Variants in RAB3GAP1 observed in about 807,000 individuals in gnomAD.
RAB3GAP1 encodes RAB3 GTPase activating protein catalytic subunit 1.
Under a neutral mutation model 130.7 loss-of-function variants are expected in RAB3GAP1, and 86 were observed. The observed-to-expected ratio is 0.66, with a 90% CI of 0.55 to 0.79. The LOEUF is 0.79. Among genes scored for constraint, RAB3GAP1 ranks in the 30% least tolerant of loss-of-function variants. RAB3GAP1 has a pLI of 0.00. For synonymous variants in RAB3GAP1, 367 were observed against 401.7 expected (o/e 0.91, Z 1.03); for missense variants, 1,029 against 1,169.4 (o/e 0.88, Z 1.75).
rs115968647 is a variant in RAB3GAP1, at chr2:135,132,416, G to A, written c.1237-479G>A. Among the ~76,000 whole-genome samples, 494 of 152,224 alleles carry A rather than the reference G, an allele frequency of 3.2e-3. 3 individuals are homozygous for A. The highest frequency in any genetic ancestry group is 0.011 in the African/African-American group (468 of 41,532). Reference sequence around the variant, plus strand: ...TTAGACTGCTTCCTACTTTCCAGGGGTATCATAAAATAAAGCTGTGGGTCT... The same window carrying A: ...TTAGACTGCTTCCTACTTTCCAGGGATATCATAAAATAAAGCTGTGGGTCT... On this transcript the variant is annotated intron_variant, in intron 13 of 23. Coordinates refer to ENST00000264158, the MANE Select transcript of RAB3GAP1 (RefSeq NM_012233.3).
At chr2:135,099,385 G>A (rs186554939) in intron 5 of RAB3GAP1, among the ~76,000 whole-genome samples, 1 of 151,444 alleles carries the variant, frequency 6.6e-6, no homozygotes, top group Admixed American at 6.6e-5. Flanking sequence ...AACCAGCTTT[G>A]CATTCTCAAG....
chr2:135,109,119 A>G (rs533279396), intron 5 of RAB3GAP1, among the ~76,000 whole-genome samples: 7 of 151,490 alleles, frequency 4.6e-5, no homozygotes, highest in African/African-American at 1.7e-4. Flanking sequence ...TAGTTCTCCA[A>G]CTTTCTTCTT....
rs941623061 is a variant in RAB3GAP1, at chr2:135,089,210, G to A, written c.151-1788G>A. On this transcript the variant is annotated intron_variant, in intron 3 of 23. Transcript: ENST00000264158. ...AAGATCAGATGGTTGTAGATGTGTC[G>A]TGTTATTTCTGACGCCTCTGTTCTG... 4.6e-5 allele frequency among the ~76,000 whole-genome samples: 7 copies of A among 152,076 alleles called. No homozygotes were observed. The South Asian group carries it at 6.2e-4, about 14-fold the overall frequency.
Position 135,153,792 on chromosome 2 carries a change from G to C in RAB3GAP1, c.2205G>C (p.Met735Ile). 6.2e-7 allele frequency: 1 copy of C among 1,614,082 alleles called. No individual in the cohort carries two copies. The highest frequency in any genetic ancestry group is 8.5e-7 in the Non-Finnish European group (1 of 1,179,942). Residue 735 changes from methionine (M) to isoleucine (I), a missense_variant, in exon 19 of 24, where the codon ATG becomes ATC. By Grantham distance (10) the Met-to-Ile change is conservative. Around this residue, in one of 3 missense-constraint regions of RAB3GAP1, gnomAD observed 373 missense variants for 493.6 expected, o/e 0.76. Coordinates refer to ENST00000264158, the MANE Select transcript of RAB3GAP1 (RefSeq NM_012233.3). ...CCCGGATGAAGATTCCAAGCAATAT[G>C]TGGGTAGAAGCCTGGGAAACAGCTA... ...LSARMKIPSN[M>I]WVEAWETAKP...
chr2:135,098,392 C>T (rs189348896), intron 5 of RAB3GAP1, among the ~76,000 whole-genome samples: 205 of 152,112 alleles, frequency 1.3e-3, no homozygotes, highest in Admixed American at 2.3e-3. Context: ...CTTAATATGT[C>T]TTTTCTAGAA....
At chr2:135,090,932 C>T (rs781415165) in intron 3 of RAB3GAP1, 66 bp from the exon 4 acceptor site, 8 of 1,436,376 alleles carry the variant, frequency 5.6e-6, no homozygotes, top group South Asian at 3.5e-5. Flanking sequence ...ATATCCCTGT[C>T]GTTAGTAAAT....
chr2:135,119,070 TCCTCCCTCCCTCCCTC>T (rs60770587), intron 7 of RAB3GAP1, among the ~76,000 whole-genome samples: 59 of 137,982 alleles, frequency 4.3e-4, no homozygotes, highest in African/African-American at 1.6e-3. Context: ...CTTCCTTCCT[TCCTCCCTCCCTCCCTC>T]CCTCCCTCCC....
chr2:135,172,966 C>T (rs2105013926), downstream of RAB3GAP1, among the ~76,000 whole-genome samples: 1 of 152,092 alleles, frequency 6.6e-6, no homozygotes, highest in East Asian at 1.9e-4. Flanking sequence ...AAAGAGAGGC[C>T]CACATGGTGC....
At chr2:135,077,626 G>T (rs1689667272) in intron 3 of RAB3GAP1, among the ~76,000 whole-genome samples, 1 of 152,172 alleles carries the variant, frequency 6.6e-6, no homozygotes, top group Non-Finnish European at 1.5e-5. Flanking sequence ...ATTTTTTGAG[G>T]AACCATCACG....
chr2:135,165,964 G>C (rs984306614), intron 23 of RAB3GAP1, among the ~76,000 whole-genome samples: 1 of 152,142 alleles, frequency 6.6e-6, no homozygotes, highest in South Asian at 2.1e-4. Flanking sequence ...CTGAGGTCAG[G>C]AGTTCAAGAC....
chr2:135,132,307 T>G (rs1349928426), intron 13 of RAB3GAP1, among the ~76,000 whole-genome samples: 1 of 152,204 alleles, frequency 6.6e-6, no homozygotes, highest in African/African-American at 2.4e-5. Flanking sequence ...TCAGTTGTCA[T>G]GTACACTGGA....
chr2:135,130,719 C>T lies in RAB3GAP1; in HGVS notation c.1234C>T (p.Leu412=). 6.2e-7 allele frequency: 1 copy of T among 1,610,408 alleles called. No homozygotes were observed. Among genetic ancestry groups the T allele is most frequent in the South Asian group, 1.1e-5 (1 of 90,982 alleles). ...LNNDVLNTIL[L]FLFPDAVSEK... is the part of the protein sequence containing the mutation. The stretch of plus-strand genomic sequence containing the variant: ...TAATGATGTTCTTAATACTATTCTC[C>T]TGGTAACTAAATGTTCTGTCTTTAT... The change falls in exon 13 of 24, where the codon CTG becomes TTG. Residue 412 remains leucine, a splice_region_variant and synonymous_variant. Transcript: ENST00000264158.
At chr2:135,130,838 C>G in intron 13 of RAB3GAP1, 117 bp downstream of exon 13, 1 of 941,256 alleles carries the variant, frequency 1.1e-6, no homozygotes, top group Non-Finnish European at 1.6e-6. Flanking sequence ...AAAACAGTTA[C>G]CACATTTAGA....
rs868176534 is a variant in RAB3GAP1, at chr2:135,076,605, G to A, written c.151-14393G>A. Among the ~76,000 whole-genome samples, 3 of 152,022 alleles carry A rather than the reference G, an allele frequency of 2.0e-5. No homozygotes were observed. The South Asian group carries it at 6.2e-4, about 32-fold the overall frequency. On this transcript the variant is annotated intron_variant, in intron 3 of 23. Coordinates refer to ENST00000264158, the MANE Select transcript of RAB3GAP1 (RefSeq NM_012233.3). The stretch of plus-strand genomic sequence containing the variant: ...GGGTTGCAGATATTTTCCCTCATCT[G>A]TCATTTTTCTTTGAATGTCTTATGC...
chr2:135,105,312 G>T (rs1690566808), intron 5 of RAB3GAP1, among the ~76,000 whole-genome samples: 1 of 148,130 alleles, frequency 6.8e-6, no homozygotes, highest in African/African-American at 2.5e-5. Context: ...CCGCCATCTC[G>T]GCTCACTGCA....
intron 5 of RAB3GAP1, among the ~76,000 whole-genome samples, chr2:135,110,501 A>T (rs1281286311): frequency 2.6e-5 from 4 of 152,128 alleles, no homozygotes; most frequent in African/African-American, 7.2e-5. Context: ...GGATGGGGGG[A>T]GACATTTTAT....
intron 19 of RAB3GAP1, among the ~76,000 whole-genome samples, chr2:135,157,399 A>G (rs894861211): frequency 6.6e-6 from 1 of 152,240 alleles, no homozygotes; most frequent in African/African-American, 2.4e-5. Flanking sequence ...ACATTAATCC[A>G]GCTGTATTTT....
At chr2:135,165,537 TACA>T (rs1692615659) in intron 23 of RAB3GAP1, among the ~76,000 whole-genome samples, 2 of 152,146 alleles carry the variant, frequency 1.3e-5, no homozygotes, top group South Asian at 4.1e-4. Context: ...TGGTCTGGAG[TACA>T]ACTAGTTAAT....
intron 5 of RAB3GAP1, among the ~76,000 whole-genome samples, chr2:135,110,110 A>G (rs1380176061): frequency 1.3e-5 from 2 of 151,786 alleles, no homozygotes; most frequent in African/African-American, 4.8e-5. Flanking sequence ...AAGAGAGTAC[A>G]TTTATCAAGA....
Sources: gnomAD v4.1 joint callset for allele counts (sites outside exome capture counted in the v4.1 genomes callset) on GRCh38, gnomAD v4.1.1 for gene constraint, gnomAD v4.1.1 regional missense constraint, MANE v1.5 for transcripts, NCBI Gene and HGNC (gene_info 2026-07-23, HGNC 2026-07-21) for gene names.